PTPRS: variants seen among roughly 807,000 people sequenced by gnomAD.
PTPRS encodes the protein protein tyrosine phosphatase receptor type S.
A neutral mutation model predicts 215.3 loss-of-function variants in PTPRS; 63 were observed. That is an observed-to-expected ratio of 0.29 (90% CI 0.24 to 0.36). The LOEUF is 0.36. Among genes scored for constraint, PTPRS ranks in the 10% least tolerant of loss-of-function variants. The pLI is 1.00. For missense variants in PTPRS, 2,258 were observed against 2,825.8 expected, an observed-to-expected ratio of 0.80 and a Z score of 4.56; for synonymous variants, 1,404 against 1,191.4, an observed-to-expected ratio of 1.18 and a Z score of -3.68.
chr19:5,214,376 T>C lies in PTPRS; in HGVS notation c.4599A>G (p.Thr1533=), dbSNP rs778479266. The change falls in exon 30 of 38, where the codon ACA becomes ACG. Residue 1533 remains threonine, a synonymous_variant. Transcript: ENST00000262963. ...TIELATFCVR[T]FSLHKNGSSE... ...TGGGCCCCACCTTGTGCAGAGAGAA[T>C]GTCCTGACGCAGAATGTGGCCAGCT... is the stretch of plus-strand genomic sequence containing the variant. 1.2e-5 allele frequency: 19 copies of C among 1,614,084 alleles called. No homozygotes were observed. The highest frequency in any genetic ancestry group is 2.2e-5 in the South Asian group (2 of 91,080).
intron 1 of PTPRS, among the ~76,000 whole-genome samples, chr19:5,336,049 C>T (rs1014408039): frequency 1.8e-4 from 27 of 151,504 alleles, no homozygotes; most frequent in African/African-American, 6.0e-4. Context: ...AAAAATAAAG[C>T]GATGTGAAAG....
chr19:5,256,007 TGTGTCC>T, intron 9 of PTPRS, 95 bp downstream of exon 9: 1 of 907,534 alleles, frequency 1.1e-6, no homozygotes. Flanking sequence ...TGTGTCAGCG[TGTGTCC>T]GTGTGGTGTC....
intron 13 of PTPRS, among the ~76,000 whole-genome samples, chr19:5,233,724 A>G (rs2043198132): frequency 6.6e-6 from 1 of 151,474 alleles, no homozygotes; most frequent in Non-Finnish European, 1.5e-5. Context: ...TGGGTGGATC[A>G]CGAGGTCAGG....
chr19:5,306,531 G>A (rs1044115297), intron 1 of PTPRS, among the ~76,000 whole-genome samples: 3 of 152,024 alleles, frequency 2.0e-5, no homozygotes, highest in Admixed American at 6.6e-5. Flanking sequence ...CTGAGCACAC[G>A]CAGCCCAGGC....
chr19:5,277,771 T>C, intron 2 of PTPRS: 1 of 717,754 alleles, frequency 1.4e-6, no homozygotes, highest in Non-Finnish European at 2.5e-6. Context: ...CCCAAGATCG[T>C]CAAAAAGAGG....
chr19:5,322,603 G>A (rs912369054), intron 1 of PTPRS, among the ~76,000 whole-genome samples: 6 of 152,148 alleles, frequency 3.9e-5, no homozygotes, highest in Admixed American at 6.6e-5. Flanking sequence ...TCAGGCGGCC[G>A]GGCGCGGTGC....
chr19:5,293,662 A>C lies in PTPRS; in HGVS notation c.-94-7428T>G, dbSNP rs995093886. Among the ~76,000 whole-genome samples the C allele has an allele frequency of 1.3e-5, 2 of 151,668 alleles. No individual in the cohort carries two copies. The highest frequency in any genetic ancestry group is 4.8e-5 in the African/African-American group (2 of 41,244). ...CTACAGGAGGTCGGAGAAGGGGCAG[A>C]GTTCCCCTCCCAGTCTGGGTGGGAC... On this transcript the variant is annotated intron_variant, in intron 1 of 37. Coordinates refer to ENST00000262963, the MANE Select transcript of PTPRS (RefSeq NM_002850.4). This position sits in a 1 kb window ranked among gnomAD's most constrained non-coding sequence, Gnocchi z 8.4.
chr19:5,226,215 T>G (rs1278485524), intron 16 of PTPRS, among the ~76,000 whole-genome samples: 1 of 152,146 alleles, frequency 6.6e-6, no homozygotes, highest in African/African-American at 2.4e-5. Context: ...CCACCTCTCT[T>G]GGGGTCAAAG....
At position 5,206,681 on chromosome 19, in the gene PTPRS, C is replaced by T. The variant is rs144815884; in HGVS notation, c.*93G>A. The T allele has an allele frequency of 2.6e-3, 2,902 of 1,127,006 alleles. 57 individuals are homozygous for T. The African/African-American group carries it at 0.039, about 15-fold the overall frequency. 69.8% of individuals were successfully genotyped at this position (1,127,006 alleles called of 1,614,324 possible). ...GCTGCTGCCGCTGCCACCTCCTGCC[C>T]TGCCCACTGGGGGTCCAGGCCTCAG... On this transcript the variant is annotated 3_prime_UTR_variant, in exon 38 of 38. Transcript: ENST00000262963.
chr19:5,211,859 C>A (rs951282645), intron 32 of PTPRS, 91 bp from the exon 33 acceptor site: 1 of 1,571,686 alleles, frequency 6.4e-7, no homozygotes, highest in Non-Finnish European at 8.7e-7. Flanking sequence ...TAGGTAGGGG[C>A]ACCCTGCCAC....
At chr19:5,219,889 C>T (rs1286703845) in intron 22 of PTPRS, 50 bp downstream of exon 22, 16 of 1,586,284 alleles carry the variant, frequency 1.0e-5, no homozygotes, top group Non-Finnish European at 1.3e-5. Context: ...ATGGGGTCTG[C>T]CTCATTCAGA....
intron 9 of PTPRS, among the ~76,000 whole-genome samples, chr19:5,247,430 C>T (rs1418172581): frequency 6.6e-6 from 1 of 152,096 alleles, no homozygotes; most frequent in Admixed American, 6.5e-5. Context: ...GCAAAGAGCA[C>T]TGCTGGCCCA....
Position 5,237,352 on chromosome 19 carries a change from G to A in PTPRS, c.1849+1567C>T, listed in dbSNP as rs1044157898. Among the ~76,000 whole-genome samples the A allele has an allele frequency of 1.4e-4, 21 of 152,310 alleles. No individual in the cohort carries two copies. The highest frequency in any genetic ancestry group is 5.8e-4 in the East Asian group (3 of 5,170). ...CTGTCGGTTCTCCTGGGCCCCACCC[G>A]TCTCGGGGCAAGAAGCGGGGAGTCC... On this transcript the variant is annotated intron_variant, in intron 13 of 37. Coordinates refer to ENST00000262963, the MANE Select transcript of PTPRS (RefSeq NM_002850.4). The surrounding 1 kb of genome is among the most constrained non-coding windows in gnomAD (Gnocchi z 4.2).
rs770401761 is a variant in PTPRS at position 5,231,399 on chromosome 19, C to T, written c.2066G>A (p.Trp689Ter). ...GACAGTCGTGATGCGGTACTGGGTCCACTTCTCCAAGGCCTCCAGCAGGAT... is the reference window on the plus strand; with the variant it reads ...GACAGTCGTGATGCGGTACTGGGTCTACTTCTCCAAGGCCTCCAGCAGGAT... ...TQILLEALEK[W>*]TQYRITTVAH... Residue 689 changes from tryptophan (W) to a stop codon, truncating the protein, a stop_gained, in exon 14 of 38, where the codon TGG (tryptophan) becomes TAG (stop). Transcript: ENST00000262963. LOFTEE classifies it high-confidence loss of function. 6.2e-7 allele frequency: 1 copy of T among 1,613,176 alleles called. No homozygotes were observed.
At chr19:5,332,887 G>A (rs1421840226) in intron 1 of PTPRS, among the ~76,000 whole-genome samples, 3 of 152,332 alleles carry the variant, frequency 2.0e-5, no homozygotes, top group African/African-American at 4.8e-5. Flanking sequence ...GGTGGCTCAC[G>A]CCTGTAATCC....
chr19:5,273,702 G>A, intron 3 of PTPRS, 119 bp from the exon 4 acceptor site: 1 of 1,251,698 alleles, frequency 8.0e-7, no homozygotes, highest in Non-Finnish European at 1.1e-6. Flanking sequence ...TCCTGGGGGT[G>A]ACTGGGAGAA....
intron 4 of PTPRS, among the ~76,000 whole-genome samples, chr19:5,266,587 G>A (rs780571643): frequency 6.6e-5 from 10 of 151,964 alleles, no homozygotes; most frequent in Non-Finnish European, 1.3e-4. Flanking sequence ...GGCTGGTCTC[G>A]AACTCCTGAC....
At chr19:5,218,740 C>T (rs377650234) in intron 24 of PTPRS, 47 bp downstream of exon 24, 2 of 1,606,050 alleles carry the variant, frequency 1.2e-6, no homozygotes, top group East Asian at 2.2e-5. Flanking sequence ...CATTCCCTGT[C>T]CTCTTCCTCT....
intron 2 of PTPRS, among the ~76,000 whole-genome samples, chr19:5,277,060 T>TTTG (rs1555794172): frequency 7.0e-6 from 1 of 143,030 alleles, no homozygotes; most frequent in Non-Finnish European, 1.5e-5. Context: ...GTTTTGTGTT[T>TTTG]TTTTTTTTTT....
Sources: gnomAD v4.1 joint callset for allele counts (sites outside exome capture counted in the v4.1 genomes callset) on GRCh38, gnomAD v4.1.1 for gene constraint, Gnocchi (gnomAD v3.1) non-coding constraint, MANE v1.5 for transcripts, NCBI Gene and HGNC (gene_info 2026-07-23, HGNC 2026-07-21) for gene names.